The following WNT7B variants were observed in gnomAD, a reference collection of about 807,000 sequenced individuals.
WNT7B encodes the protein Wnt family member 7B.
WNT7B carries 19 observed loss-of-function variants against 38.2 expected under a neutral mutation model. The ratio of observed to expected loss-of-function variants is 0.50; its 90% CI spans 0.35 to 0.73. The LOEUF is 0.73. Among genes scored for constraint, WNT7B ranks in the 30% least tolerant of loss-of-function variants. The pLI is 0.01. For missense variants in WNT7B, 423 were observed against 507.9 expected (o/e 0.83, Z 1.61); for synonymous variants, 243 against 209.3 (o/e 1.16, Z -1.39).
chr22:45,923,471 C>G, intron 3 of WNT7B, 136 bp from the exon 4 acceptor site: 2 of 1,258,870 alleles, frequency 1.6e-6, no homozygotes, highest in Non-Finnish European at 2.1e-6. Context: ...GAGTGTCTCT[C>G]CCTCTCTGAC....
At chr22:45,941,838 G>A (rs1295385677) in intron 2 of WNT7B, among the ~76,000 whole-genome samples, 1 of 152,166 alleles carries the variant, frequency 6.6e-6, no homozygotes, top group Non-Finnish European at 1.5e-5. Context: ...CATGGGATGA[G>A]GCCTGGTGTC....
At chr22:45,954,751 G>A (rs918435831) in intron 1 of WNT7B, 20 of 985,314 alleles carry the variant, frequency 2.0e-5, no homozygotes, top group Admixed American at 6.1e-5. Flanking sequence ...CCCTTACTAA[G>A]TGGGGGTGTT....
At chr22:45,933,922 G>C (rs753695499) in intron 2 of WNT7B, among the ~76,000 whole-genome samples, 1 of 152,232 alleles carries the variant, frequency 6.6e-6, no homozygotes, top group Non-Finnish European at 1.5e-5. Flanking sequence ...AGGGCCAGCT[G>C]CTGGGGAGGG....
At position 45,975,716 on chromosome 22, in the gene WNT7B, G is replaced by C; in HGVS notation, c.71+968C>G. On this transcript the variant is annotated intron_variant, in intron 1 of 3. Coordinates refer to ENST00000339464, the MANE Select transcript of WNT7B (RefSeq NM_058238.3). The surrounding 1 kb of genome is among the most constrained non-coding windows in gnomAD (Gnocchi z 6.6). ...TGTGGCCTGGACGGGGCTCGCCTCG[G>C]GGCAGCCGGCGGCGCACAGTAGGCG... 1 of 483,578 alleles carries C rather than the reference G, an allele frequency of 2.1e-6. No individual in the cohort carries two copies. The highest frequency in any genetic ancestry group is 3.4e-5 in the East Asian group (1 of 29,610). The allele number at this position is 483,578 out of a possible 1,614,324, so 30.0% of individuals were successfully genotyped here.
intron 1 of WNT7B, among the ~76,000 whole-genome samples, chr22:45,967,412 G>A (rs969647963): frequency 5.9e-5 from 9 of 152,328 alleles, no homozygotes; most frequent in African/African-American, 1.4e-4. Flanking sequence ...AGTGTGAGCC[G>A]TGAGGGCTTG....
chr22:45,936,149 G>A, intron 2 of WNT7B: 1 of 985,468 alleles, frequency 1.0e-6, no homozygotes, highest in Non-Finnish European at 1.2e-6. Context: ...CAGCCCTGCG[G>A]CAGGATTCAC....
At chr22:45,940,574 C>G (rs1454999541) in intron 2 of WNT7B, among the ~76,000 whole-genome samples, 1 of 152,200 alleles carries the variant, frequency 6.6e-6, no homozygotes, top group Non-Finnish European at 1.5e-5. Context: ...AGGCTCTCAG[C>G]CTCCCATCCA....
chr22:45,929,908 C>T (rs1601717781), intron 3 of WNT7B, among the ~76,000 whole-genome samples: 3 of 86,720 alleles, frequency 3.5e-5, no homozygotes, highest in South Asian at 8.3e-4. Flanking sequence ...ATCTATCTAC[C>T]CATCCATCTA....
At chr22:45,939,995 C>A (rs1310865406) in intron 2 of WNT7B, among the ~76,000 whole-genome samples, 1 of 152,164 alleles carries the variant, frequency 6.6e-6, no homozygotes, top group African/African-American at 2.4e-5. Flanking sequence ...ACTGATTAAG[C>A]CACAGGGTTT....
chr22:45,971,511 G>A (rs1047131498), intron 1 of WNT7B, among the ~76,000 whole-genome samples: 1 of 152,188 alleles, frequency 6.6e-6, no homozygotes, highest in Non-Finnish European at 1.5e-5. Flanking sequence ...CACGCTCCGC[G>A]CTCTCCCTTG....
chr22:45,948,827 CTTTTTTT>C (rs749735538), intron 2 of WNT7B, among the ~76,000 whole-genome samples: 49 of 90,158 alleles, frequency 5.4e-4, no homozygotes, highest in Non-Finnish European at 6.3e-4. Context: ...CCAAAGATCC[CTTTTTTT>C]TTTTTTTTTT....
chr22:45,967,610 G>T (rs1055244259), intron 1 of WNT7B, among the ~76,000 whole-genome samples: 1 of 151,752 alleles, frequency 6.6e-6, no homozygotes, highest in African/African-American at 2.4e-5. Flanking sequence ...AGGGTCCTCC[G>T]AGAACAGAGC....
intron 3 of WNT7B, chr22:45,925,421 G>A (rs776584248): frequency 4.8e-4 from 470 of 985,206 alleles, no homozygotes; most frequent in Non-Finnish European, 5.4e-4. Context: ...GGATGGCAGA[G>A]GGTGGGAGGA....
In WNT7B at chr22:45,975,036, A is replaced by T. The variant is rs1345725611; in HGVS notation, c.71+1648T>A. On this transcript the variant is annotated intron_variant, in intron 1 of 3. Transcript: ENST00000339464. This position sits in a 1 kb window ranked among gnomAD's most constrained non-coding sequence, Gnocchi z 6.6. ...TCCGATGACTGAGGCAGAAGAATGG[A>T]CGCTAGGAACAGCAGCCCACAGTGG... Among the ~76,000 whole-genome samples, 1 of 152,126 alleles carries T rather than the reference A, an allele frequency of 6.6e-6. No individual in the cohort carries two copies. The highest frequency in any genetic ancestry group is 1.5e-5 in the Non-Finnish European group (1 of 68,012).
chr22:45,952,661 C>T (rs1298479252), intron 1 of WNT7B, among the ~76,000 whole-genome samples: 2 of 152,226 alleles, frequency 1.3e-5, no homozygotes, highest in Non-Finnish European at 2.9e-5. Flanking sequence ...CCGAGAAACC[C>T]CCATTATCTG....
chr22:45,946,794 C>T (rs1475500869), intron 2 of WNT7B, among the ~76,000 whole-genome samples: 1 of 152,226 alleles, frequency 6.6e-6, no homozygotes. Flanking sequence ...CATACAAGCA[C>T]CCACACCAGG....
chr22:45,956,537 C>T (rs1410286461), intron 1 of WNT7B, among the ~76,000 whole-genome samples: 6 of 152,218 alleles, frequency 3.9e-5, no homozygotes, highest in South Asian at 2.1e-4. Context: ...GGTCCACGCC[C>T]ACATCAGCCC....
intron 3 of WNT7B, chr22:45,926,339 A>G (rs1569109120): frequency 1.0e-6 from 1 of 985,368 alleles, no homozygotes; most frequent in Non-Finnish European, 1.2e-6. Flanking sequence ...AGGCTGCCGC[A>G]GGGGCCGCTC....
chr22:45,934,999 G>A lies in WNT7B; in HGVS notation c.299-3630C>T, dbSNP rs28665156. Among the ~76,000 whole-genome samples the A allele has an allele frequency of 1.4e-3, 216 of 152,278 alleles. 1 individual carries two copies. The highest frequency in any genetic ancestry group is 4.6e-3 in the African/African-American group (190 of 41,580). On this transcript the variant is annotated intron_variant, in intron 2 of 3. Transcript: ENST00000339464. ...CACAACAGCCCACGGGGGAGGGCCC[G>A]TTACCCCATGTTACAGACCTAGACG...
Sources: allele counts gnomAD v4.1 joint callset (sites outside exome capture counted in the v4.1 genomes callset), GRCh38; gene constraint gnomAD v4.1.1; non-coding constraint Gnocchi (gnomAD v3.1); transcripts MANE v1.5; gene names NCBI Gene and HGNC (gene_info 2026-07-23, HGNC 2026-07-21).